SPACA6: variants seen among roughly 807,000 people sequenced by gnomAD.
SPACA6 encodes sperm acrosome membrane-associated protein 6.
For synonymous variants in SPACA6, 6 were observed against 1.5 expected (o/e 4.05, Z -2.21); for missense variants, 8 against 2.8 (o/e 2.88, Z -1.34).
downstream of SPACA6, among the ~76,000 whole-genome samples, chr19:51,712,625 G>C (rs1343940401): frequency 2.6e-5 from 4 of 152,192 alleles, no homozygotes; most frequent in Non-Finnish European, 5.9e-5. Context: ...CACTGGCTTG[G>C]AGCACAGACA....
At chr19:51,699,676 C>T (rs1473256280) in intron 2 of SPACA6, among the ~76,000 whole-genome samples, 1 of 152,150 alleles carries the variant, frequency 6.6e-6, no homozygotes, top group Non-Finnish European at 1.5e-5. Flanking sequence ...TTCCTCTTCT[C>T]ATAAGGACAC....
intron 2 of SPACA6, among the ~76,000 whole-genome samples, chr19:51,696,241 A>G (rs903932845): frequency 1.3e-5 from 2 of 152,164 alleles, no homozygotes; most frequent in Non-Finnish European, 2.9e-5. Flanking sequence ...AAGCTGGTGC[A>G]ATACGTTCAA....
chr19:51,687,837 G>A (rs903551802), upstream of SPACA6: 2 of 152,312 alleles, frequency 1.3e-5, no homozygotes, highest in African/African-American at 2.4e-5. Flanking sequence ...GCCAGACTCA[G>A]GGAGTTGTAG....
chr19:51,692,963 C>T (rs980170027), upstream of SPACA6: 2 of 459,172 alleles, frequency 4.4e-6, no homozygotes, highest in Non-Finnish European at 9.0e-6. The surrounding 1 kb of genome is among the most constrained non-coding windows in gnomAD (Gnocchi z 5.6). Flanking sequence ...GAGGAAGAGC[C>T]GGGCTCTTTT....
At chr19:51,693,839 A>G in intron 1 of SPACA6, 99 bp downstream of exon 1, 1 of 401,440 alleles carries the variant, frequency 2.5e-6, no homozygotes, top group Non-Finnish European at 4.4e-6. Context: ...ACAGAGAGAA[A>G]CAGTCAGAGG....
At chr19:51,692,682 G>A (rs541609295), upstream of SPACA6, 13 of 533,094 alleles carry the variant, frequency 2.4e-5, no homozygotes, top group African/African-American at 9.6e-5. This position sits in a 1 kb window ranked among gnomAD's most constrained non-coding sequence, Gnocchi z 5.6. Context: ...GGTCCGTGTC[G>A]GGGGCTCACC....
At chr19:51,707,092 G>A (rs2083519476), downstream of SPACA6, among the ~76,000 whole-genome samples, 1 of 152,160 alleles carries the variant, frequency 6.6e-6, no homozygotes, top group Admixed American at 6.5e-5. Flanking sequence ...TTTATTGAGT[G>A]CTTACTATTT....
At chr19:51,691,202 A>AAG (rs60251233), upstream of SPACA6, among the ~76,000 whole-genome samples, 102,564 of 148,270 alleles carry the variant, frequency 0.69, 36,582 homozygotes, top group African/African-American at 0.87. Flanking sequence ...GGAAGGAGAA[A>AAG]AGAGAGAGAG....
chr19:51,698,157 C>T (rs2122209863), intron 2 of SPACA6, among the ~76,000 whole-genome samples: 1 of 152,226 alleles, frequency 6.6e-6, no homozygotes, highest in South Asian at 2.1e-4. Context: ...AAGGTGAAGT[C>T]ACTTGGCCAA....
chr19:51,698,873 G>A (rs2083448453), intron 2 of SPACA6, among the ~76,000 whole-genome samples: 1 of 152,050 alleles, frequency 6.6e-6, no homozygotes, highest in Non-Finnish European at 1.5e-5. Flanking sequence ...GGGGATCCAA[G>A]CTCCTTCAAG....
intron 4 of SPACA6, 105 bp from the exon 5 acceptor site, chr19:51,702,916 C>T (rs760102966): frequency 6.5e-5 from 26 of 398,920 alleles, no homozygotes; most frequent in Non-Finnish European, 1.0e-4. Flanking sequence ...GTCAAGATGC[C>T]ACCTGGCCGA....
intron 1 of SPACA6, chr19:51,694,055 A>T: frequency 4.0e-6 from 1 of 251,120 alleles, no homozygotes; most frequent in Non-Finnish European, 7.1e-6. Flanking sequence ...ATGGAGAGTC[A>T]GAGAGGGGAG....
chr19:51,693,386 T>TA lies in SPACA6; in HGVS notation c.-141_-140insA, dbSNP rs2083392640. 2.9e-6 allele frequency: 2 copies of TA among 690,214 alleles called. No individual in the cohort carries two copies. Among genetic ancestry groups the TA allele is most frequent in the Middle Eastern group, 2.4e-4 (1 of 4,244 alleles). The allele number at this position is 690,214 out of a possible 1,614,324, so 42.8% of individuals were successfully genotyped here. ...GCTGGCCTGACTTCTGACCCCTGAC[T>TA]CCTCATACCCTTCCTCCAGAGCATG... On this transcript the variant is annotated 5_prime_UTR_variant, in exon 1 of 9. Coordinates refer to ENST00000637797, the MANE Select transcript of SPACA6 (RefSeq NM_001316972.2).
chr19:51,685,525 T>C (rs760500224), upstream of SPACA6: 1 of 152,222 alleles, frequency 6.6e-6, no homozygotes, highest in Non-Finnish European at 1.5e-5. Context: ...AATATTTTTG[T>C]GCATGAAACA....
intron 3 of SPACA6, among the ~76,000 whole-genome samples, chr19:51,702,019 C>T (rs2083472159): frequency 1.3e-5 from 2 of 152,108 alleles, no homozygotes; most frequent in South Asian, 2.1e-4. Flanking sequence ...TGCAGTGACC[C>T]GAGATCGGCA....
At chr19:51,704,574 G>A (rs2083499887) in intron 8 of SPACA6, 94 bp downstream of exon 8, 4 of 399,980 alleles carry the variant, frequency 1.0e-5, no homozygotes, top group Non-Finnish European at 1.8e-5. Context: ...TCCAACCCAG[G>A]AGGTCAGGCT....
chr19:51,707,187 T>TA (rs2083519842), downstream of SPACA6, among the ~76,000 whole-genome samples: 1 of 151,802 alleles, frequency 6.6e-6, no homozygotes, highest in Non-Finnish European at 1.5e-5. Flanking sequence ...ACATGGAACT[T>TA]ACATTCTAGT....
At chr19:51,705,239 G>A (rs34764077), downstream of SPACA6, 11 of 399,102 alleles carry the variant, frequency 2.8e-5, no homozygotes, top group African/African-American at 1.6e-4. Flanking sequence ...GTAGGAGGAG[G>A]TGCAGCAAGC....
chr19:51,707,368 G>A (rs138531211), downstream of SPACA6, among the ~76,000 whole-genome samples: 25 of 152,074 alleles, frequency 1.6e-4, no homozygotes, highest in East Asian at 5.8e-4. Flanking sequence ...CTACAAAGGC[G>A]TGTGCCACCA....
Sources: gnomAD v4.1 joint callset for allele counts (sites outside exome capture counted in the v4.1 genomes callset) on GRCh38, gnomAD v4.1.1 for gene constraint, Gnocchi (gnomAD v3.1) non-coding constraint, MANE v1.5 for transcripts, NCBI Gene and HGNC (gene_info 2026-07-23, HGNC 2026-07-21) for gene names.